The following HDAC2 variants were observed in gnomAD, a reference collection of about 807,000 sequenced individuals.
HDAC2 encodes the protein YY1-associated factor 1.
In HDAC2, 5 loss-of-function variants were observed where a neutral mutation model predicts 68.5. The observed-to-expected ratio is 0.07, with a 90% confidence interval of 0.04 to 0.15. The LOEUF (loss-of-function observed/expected upper bound fraction) is 0.15, where lower values mean the gene tolerates loss of function less well. HDAC2 is among the 10% of genes least tolerant of loss of function. HDAC2 has a pLI of 1.00. For synonymous variants in HDAC2, 182 were observed against 191.3 expected (o/e 0.95, Z 0.40); for missense variants, 291 against 600.8 (o/e 0.48, Z 5.39).
At chr6:113,950,650 C>A (rs908372735) in intron 6 of HDAC2, among the ~76,000 whole-genome samples, 14 of 142,640 alleles carry the variant, frequency 9.8e-5, no homozygotes, top group African/African-American at 3.7e-4. Context: ...CTCGCCTCAG[C>A]CTCCCAAAGT....
At position 113,939,530 on chromosome 6, in the gene HDAC2, T is replaced by C. The variant is rs1459731387; in HGVS notation, c.*1528A>G. 1 of 152,216 alleles carries C rather than the reference T, an allele frequency of 6.6e-6. No individual in the cohort carries two copies. Among genetic ancestry groups the C allele is most frequent in the Non-Finnish European group, 1.5e-5 (1 of 68,052 alleles). The allele number at this position is 152,216 out of a possible 1,614,324, so 9.4% of individuals were successfully genotyped here. A position where few individuals can be genotyped will look rare whatever the true frequency, so the allele number is the denominator to read the frequency against. On this transcript the variant is annotated 3_prime_UTR_variant, in exon 14 of 14. Transcript: ENST00000519065. Reference sequence around the variant, plus strand: ...TTCACAAACACTAAATACATTTCATTATCCCCCTAACGAAGGGACTAAGTT... The same window carrying C: ...TTCACAAACACTAAATACATTTCATCATCCCCCTAACGAAGGGACTAAGTT...
chr6:113,938,325 G>A lies in HDAC2; in HGVS notation c.*2733C>T, dbSNP rs1400478564. The A allele has an allele frequency of 2.0e-5, 3 of 152,052 alleles. No homozygotes were observed. Among genetic ancestry groups the A allele is most frequent in the Admixed American group, 1.3e-4 (2 of 15,272 alleles). 9.4% of individuals were successfully genotyped at this position (152,052 alleles called of 1,614,324 possible). On this transcript the variant is annotated 3_prime_UTR_variant, in exon 14 of 14. Transcript: ENST00000519065. ...GTTCCTCTACTATCTTTAGATATGA[G>A]CCTTTTGACCTGGATGAGTTACAAA...
chr6:113,942,058 A>G (rs1204917912), intron 12 of HDAC2, among the ~76,000 whole-genome samples: 1 of 152,070 alleles, frequency 6.6e-6, no homozygotes, highest in African/African-American at 2.4e-5. Context: ...AGTAGGCTGA[A>G]GAATTTTAAC....
At chr6:113,967,820 A>G (rs1482267639) in intron 1 of HDAC2, among the ~76,000 whole-genome samples, 3 of 152,222 alleles carry the variant, frequency 2.0e-5, no homozygotes, top group Non-Finnish European at 2.9e-5. Context: ...ATCATTTTAC[A>G]GATTCTTGAT....
chr6:113,969,730 T>G (rs917977256), intron 1 of HDAC2: 2 of 152,236 alleles, frequency 1.3e-5, no homozygotes, highest in Non-Finnish European at 2.9e-5. Flanking sequence ...CTCCAAATTA[T>G]AGAATGCTTA....
chr6:113,955,911 C>A (rs1035199467), intron 5 of HDAC2, 102 bp downstream of exon 5: 3 of 786,442 alleles, frequency 3.8e-6, no homozygotes, highest in Non-Finnish European at 5.7e-6. Context: ...ACTATTTCAA[C>A]CTATGGTTTA....
chr6:113,958,454 C>G (rs1331426603), intron 3 of HDAC2, 195 bp downstream of exon 3: 1 of 432,136 alleles, frequency 2.3e-6, no homozygotes, highest in African/African-American at 2.1e-5. Context: ...AGCAGTTTTG[C>G]AAACCAATAA....
rs1179623625 is a variant in HDAC2, at chr6:113,956,042, A to G, written c.468T>C (p.Asp156=). Residue 156 remains aspartate (D), a synonymous_variant, in exon 5 of 14, where the codon GAT becomes GAC. Transcript: ENST00000519065. ...GTAATTCAAGGATGGCAAGCACAAT[A>G]TCATTAACGTAACAGAATCCTGATG... ...SEASGFCYVN[D]IVLAILELLK... is the part of the protein sequence containing the mutation. The G allele has an allele frequency of 6.2e-7, 1 of 1,609,610 alleles. No homozygotes were observed. Among genetic ancestry groups the G allele is most frequent in the East Asian group, 2.2e-5 (1 of 44,764 alleles).
chr6:113,953,161 A>G lies in HDAC2; in HGVS notation c.639+116T>C, dbSNP rs967436295. On this transcript the variant is annotated intron_variant, in intron 6 of 13. Transcript: ENST00000519065. ...ATGTTACTGCATACGTAGTAATTCA[A>G]TTCTGCATACAAGTTTCAAATTATT... 7 of 732,806 alleles carry G rather than the reference A, an allele frequency of 9.6e-6. No homozygotes were observed. The South Asian group carries it at 1.6e-4, about 16-fold the overall frequency. The allele number at this position is 732,806 out of a possible 1,614,324, so 45.4% of individuals were successfully genotyped here.
intron 11 of HDAC2, 99 bp downstream of exon 11, chr6:113,944,181 G>A: frequency 2.0e-6 from 2 of 1,022,400 alleles, no homozygotes; most frequent in Non-Finnish European, 3.0e-6. Context: ...TTAACAGTGT[G>A]CTCGTGAACA....
chr6:113,953,227 ATC>A (rs1776464436), intron 6 of HDAC2, 48 bp downstream of exon 6: 1 of 1,359,108 alleles, frequency 7.4e-7, no homozygotes, highest in African/African-American at 1.4e-5. Flanking sequence ...AGGATTACTG[ATC>A]TCCTAGGTTC....
chr6:113,952,192 T>C (rs1776435218), intron 6 of HDAC2, among the ~76,000 whole-genome samples: 1 of 152,148 alleles, frequency 6.6e-6, no homozygotes, highest in African/African-American at 2.4e-5. Context: ...TAGGCGCCAC[T>C]GTTTGAGAAG....
At chr6:113,958,422 A>C in intron 3 of HDAC2, 1 of 375,152 alleles carries the variant, frequency 2.7e-6, no homozygotes, top group South Asian at 3.7e-5. Context: ...GGAGCAAACT[A>C]GGAGTAGAAG....
intron 3 of HDAC2, chr6:113,958,408 C>T: frequency 2.9e-6 from 1 of 343,492 alleles, no homozygotes; most frequent in Non-Finnish European, 5.2e-6. Flanking sequence ...CCAAAGTTAT[C>T]AGGGGAGCAA....
At chr6:113,956,804 C>T (rs1776563998) in intron 3 of HDAC2, 111 bp from the exon 4 acceptor site, 1 of 721,724 alleles carries the variant, frequency 1.4e-6, no homozygotes, top group African/African-American at 1.8e-5. Flanking sequence ...AATCATCAAA[C>T]ATACACTTCA....
At chr6:113,951,059 G>C (rs573436096) in intron 6 of HDAC2, among the ~76,000 whole-genome samples, 5 of 152,170 alleles carry the variant, frequency 3.3e-5, no homozygotes, top group Non-Finnish European at 7.3e-5. Context: ...TTGACCCTAA[G>C]ATTTCAGAAT....
intron 1 of HDAC2, chr6:113,970,410 C>T: frequency 2.0e-6 from 2 of 1,000,600 alleles, no homozygotes; most frequent in Non-Finnish European, 2.4e-6. Context: ...AGAGTCAAGG[C>T]CGGGATAGAA....
intron 11 of HDAC2, among the ~76,000 whole-genome samples, chr6:113,943,824 T>C (rs1472389885): frequency 2.0e-5 from 3 of 152,084 alleles, no homozygotes; most frequent in Non-Finnish European, 2.9e-5. Flanking sequence ...ACTTAAAAAG[T>C]AGCATTTTAT....
chr6:113,942,052 G>A (rs1776147722), intron 12 of HDAC2, among the ~76,000 whole-genome samples: 1 of 151,868 alleles, frequency 6.6e-6, no homozygotes, highest in Admixed American at 6.6e-5. Flanking sequence ...TTTTTCAGTA[G>A]GCTGAAGAAT....
Sources: allele counts gnomAD v4.1 joint callset (sites outside exome capture counted in the v4.1 genomes callset), GRCh38; gene constraint gnomAD v4.1.1; transcripts MANE v1.5; gene names NCBI Gene and HGNC (gene_info 2026-07-23, HGNC 2026-07-21).